KHDRBS2: variants seen among roughly 807,000 people sequenced by gnomAD.
KHDRBS2 encodes KH RNA binding domain containing, signal transduction associated 2, also known as KH domain-containing, RNA-binding, signal transduction-associated protein 2.
A neutral mutation model predicts 44.3 loss-of-function variants in KHDRBS2; 26 were observed. The observed-to-expected ratio is 0.59, with a 90% CI of 0.43 to 0.81. The LOEUF is 0.81. Ranked by LOEUF, KHDRBS2 falls within the 40% of genes least tolerant of loss-of-function variation. The probability of loss-of-function intolerance (pLI) is 0.00; values close to 1 mark genes in which losing one functional copy is unlikely to be tolerated. For synonymous variants in KHDRBS2, 194 were observed against 151.1 expected, an observed-to-expected ratio of 1.28 and a Z score of -2.08; for missense variants, 476 against 433.1, an observed-to-expected ratio of 1.10 and a Z score of -0.88.
intron 3 of KHDRBS2, among the ~76,000 whole-genome samples, chr6:61,985,821 A>G (rs1774955785): frequency 6.6e-6 from 1 of 152,220 alleles, no homozygotes. Context: ...CTTCAGTATT[A>G]GAAAATACTA....
chr6:61,843,306 A>C (rs1406212239), intron 6 of KHDRBS2, among the ~76,000 whole-genome samples: 1 of 150,752 alleles, frequency 6.6e-6, no homozygotes, highest in Non-Finnish European at 1.5e-5. Context: ...AATTTTTTAG[A>C]ATGACAAATG....
chr6:61,615,246 A>AAAAAG, the KHDRBS2 span, among the ~76,000 whole-genome samples: 1 of 150,514 alleles, frequency 6.6e-6, no homozygotes, highest in South Asian at 2.1e-4. Context: ...AAAAAAAAAA[A>AAAAAG]AAAAAGAAAG....
At chr6:61,881,086 C>G (rs1374134910) in intron 6 of KHDRBS2, among the ~76,000 whole-genome samples, 1 of 151,860 alleles carries the variant, frequency 6.6e-6, no homozygotes, top group African/African-American at 2.4e-5. Flanking sequence ...GGTATATGTA[C>G]TTGACATAAG....
At chr6:62,125,003 A>AT (rs963669763) in intron 2 of KHDRBS2, among the ~76,000 whole-genome samples, 13 of 151,910 alleles carry the variant, frequency 8.6e-5, no homozygotes, top group African/African-American at 2.4e-4. Flanking sequence ...GACACTGAAC[A>AT]TTTTTTTTCA....
chr6:61,585,568 G>C, the KHDRBS2 span, among the ~76,000 whole-genome samples: 3 of 152,084 alleles, frequency 2.0e-5, no homozygotes, highest in Non-Finnish European at 4.4e-5. Flanking sequence ...GACATCAGAT[G>C]TACCACAACA....
intron 2 of KHDRBS2, among the ~76,000 whole-genome samples, chr6:62,129,062 A>G (rs1584867461): frequency 6.6e-6 from 1 of 152,246 alleles, no homozygotes; most frequent in Admixed American, 6.5e-5. Context: ...CTCAACTGAC[A>G]AATGTGTATC....
At chr6:61,715,600 T>A (rs1351219255) in intron 7 of KHDRBS2, among the ~76,000 whole-genome samples, 1 of 151,992 alleles carries the variant, frequency 6.6e-6, no homozygotes, top group East Asian at 1.9e-4. Flanking sequence ...TTGTAATACT[T>A]TCTCTTCACC....
At chr6:61,645,423 A>T in the KHDRBS2 span, among the ~76,000 whole-genome samples, 1 of 151,952 alleles carries the variant, frequency 6.6e-6, no homozygotes, top group Non-Finnish European at 1.5e-5. Flanking sequence ...TGTGAGATGA[A>T]TGTACCTACA....
At chr6:61,664,060 A>G in the KHDRBS2 span, among the ~76,000 whole-genome samples, 2 of 151,794 alleles carry the variant, frequency 1.3e-5, no homozygotes, top group African/African-American at 4.8e-5. Context: ...CAAAGGTGAA[A>G]CTTGGTTTAT....
chr6:61,550,972 C>T, the KHDRBS2 span, among the ~76,000 whole-genome samples: 1 of 151,922 alleles, frequency 6.6e-6, no homozygotes, highest in Non-Finnish European at 1.5e-5. Flanking sequence ...TGGGGTTTTA[C>T]TATGTTTCCC....
the KHDRBS2 span, among the ~76,000 whole-genome samples, chr6:61,623,946 A>G: frequency 6.6e-6 from 1 of 152,200 alleles, no homozygotes; most frequent in Non-Finnish European, 1.5e-5. Flanking sequence ...TCACCTGGTT[A>G]TCTACTTTGT....
chr6:62,177,128 G>C, intron 2 of KHDRBS2, 57 bp downstream of exon 2: 1 of 1,013,246 alleles, frequency 9.9e-7, no homozygotes. Flanking sequence ...TTAAAATACC[G>C]TCTTCTTTTA....
intron 1 of KHDRBS2, among the ~76,000 whole-genome samples, chr6:62,280,403 A>C (rs1000106261): frequency 2.0e-5 from 3 of 152,176 alleles, no homozygotes; most frequent in Non-Finnish European, 4.4e-5. Context: ...AGTAGAATAT[A>C]GTGCCCAGAA....
the KHDRBS2 span, among the ~76,000 whole-genome samples, chr6:61,548,466 A>G: frequency 6.6e-6 from 1 of 152,178 alleles, no homozygotes; most frequent in Non-Finnish European, 1.5e-5. Flanking sequence ...ATTTCTACCA[A>G]GATCTCAAGG....
At chr6:61,826,844 A>G (rs1328539975) in intron 6 of KHDRBS2, among the ~76,000 whole-genome samples, 2 of 152,146 alleles carry the variant, frequency 1.3e-5, no homozygotes, top group Non-Finnish European at 1.5e-5. Context: ...GAGGACTTTC[A>G]TAATTTTTTT....
chr6:61,819,567 T>C (rs1583003314), intron 6 of KHDRBS2, among the ~76,000 whole-genome samples: 1 of 152,126 alleles, frequency 6.6e-6, no homozygotes, highest in South Asian at 2.1e-4. Context: ...AGTAACTGAG[T>C]GCACTGTTCT....
At chr6:61,944,830 C>A (rs185418079) in intron 4 of KHDRBS2, among the ~76,000 whole-genome samples, 11 of 151,712 alleles carry the variant, frequency 7.3e-5, no homozygotes, top group Middle Eastern at 6.8e-3. Flanking sequence ...GTGGCTCACG[C>A]CTGAAATCCC....
chr6:61,547,750 A>G, the KHDRBS2 span, among the ~76,000 whole-genome samples: 2 of 152,168 alleles, frequency 1.3e-5, no homozygotes, highest in Non-Finnish European at 2.9e-5. Context: ...ATAATTCTGA[A>G]GTGCAGTCAG....
At chr6:61,814,317 A>G (rs1427974926) in intron 6 of KHDRBS2, among the ~76,000 whole-genome samples, 1 of 152,208 alleles carries the variant, frequency 6.6e-6, no homozygotes, top group Non-Finnish European at 1.5e-5. Context: ...TAGTTACATT[A>G]AAAACTATAT....
Sources: allele counts gnomAD v4.1 joint callset (sites outside exome capture counted in the v4.1 genomes callset), GRCh38; gene constraint gnomAD v4.1.1; transcripts MANE v1.5; gene names NCBI Gene and HGNC (gene_info 2026-07-23, HGNC 2026-07-21).